The following ULK4 variants were observed in gnomAD, a reference collection of about 807,000 sequenced individuals.
The protein encoded by ULK4 is unc-51 like kinase 4.
A neutral mutation model predicts 160.6 loss-of-function variants in ULK4; 133 were observed. The observed-to-expected ratio is 0.83, with a 90% CI of 0.72 to 0.96. ULK4 has a LOEUF of 0.96. ULK4 is among the 40% of genes least tolerant of loss of function. The pLI is 0.00. For missense variants in ULK4, 1,580 were observed against 1,499.5 expected, an observed-to-expected ratio of 1.05 and a Z score of -0.89; for synonymous variants, 534 against 539.8, an observed-to-expected ratio of 0.99 and a Z score of 0.15.
intron 31 of ULK4, among the ~76,000 whole-genome samples, chr3:41,587,478 C>A (rs540962367): frequency 1.3e-5 from 2 of 152,132 alleles, no homozygotes; most frequent in African/African-American, 2.4e-5. Flanking sequence ...GACTGCCAGA[C>A]TGATAAAATG....
At chr3:41,948,173 A>C (rs1700169289) in intron 2 of ULK4, among the ~76,000 whole-genome samples, 1 of 152,092 alleles carries the variant, frequency 6.6e-6, no homozygotes, top group African/African-American at 2.4e-5. Flanking sequence ...TATTTAAGCC[A>C]GGCGCAGTGG....
intron 35 of ULK4, among the ~76,000 whole-genome samples, chr3:41,263,691 A>G (rs2078983884): frequency 6.6e-6 from 1 of 152,242 alleles, no homozygotes; most frequent in Non-Finnish European, 1.5e-5. Context: ...CCAGTGTCGT[A>G]AGAAAGTGCC....
intron 35 of ULK4, among the ~76,000 whole-genome samples, chr3:41,335,307 A>G (rs2080531741): frequency 6.6e-6 from 1 of 152,234 alleles, no homozygotes; most frequent in Non-Finnish European, 1.5e-5. Context: ...CTTGTAAAGA[A>G]TCACATTTCA....
chr3:41,765,814 T>C (rs1209124638), intron 21 of ULK4, among the ~76,000 whole-genome samples: 2 of 152,164 alleles, frequency 1.3e-5, no homozygotes, highest in Non-Finnish European at 2.9e-5. Context: ...ATCTTTATCA[T>C]AAATAACATT....
In ULK4 at chr3:41,463,077, G is replaced by A; in HGVS notation, c.3393+10C>T. ...GGGCTGCTCAAGACACAGGAAAACA[G>A]ATCCTCTACCTGCAAAGCCAGCCGT... On this transcript the variant is annotated intron_variant, in intron 33 of 36. Coordinates refer to ENST00000301831, the MANE Select transcript of ULK4 (RefSeq NM_017886.4). 1.2e-6 allele frequency: 2 copies of A among 1,611,862 alleles called. No homozygotes were observed.
intron 32 of ULK4, among the ~76,000 whole-genome samples, chr3:41,498,037 G>A (rs1014177159): frequency 4.6e-5 from 7 of 152,026 alleles, no homozygotes; most frequent in Non-Finnish European, 8.8e-5. Context: ...TCTGAATAGC[G>A]TTATCAAATA....
chr3:41,754,610 T>C (rs1202662157), intron 21 of ULK4, 122 bp from the exon 22 acceptor site: 2 of 806,822 alleles, frequency 2.5e-6, no homozygotes, highest in African/African-American at 3.5e-5. Flanking sequence ...TAACTACTGT[T>C]TTCGCATTCT....
rs145668617 is a variant in ULK4, at chr3:41,422,037, C to G, written c.3493-23773G>C. Among the ~76,000 whole-genome samples, 236 of 152,110 alleles carry G rather than the reference C, an allele frequency of 1.6e-3. 2 individuals carry two copies. The highest frequency in any genetic ancestry group is 7.0e-3 in the Admixed American group (107 of 15,296). ...TTTACCCTTTAAACTGGCAGCCCTC[C>G]TAACTGCTTGTGAAAGAAATCTTAG... On this transcript the variant is annotated intron_variant, in intron 34 of 36. Transcript: ENST00000301831.
chr3:41,392,463 T>C (rs1037320936), intron 35 of ULK4, among the ~76,000 whole-genome samples: 1 of 152,196 alleles, frequency 6.6e-6, no homozygotes, highest in Non-Finnish European at 1.5e-5. Flanking sequence ...GGGCCCTTTC[T>C]GTGATTCATA....
chr3:41,831,216 A>C (rs76996189), intron 18 of ULK4, among the ~76,000 whole-genome samples: 4,392 of 151,760 alleles, frequency 0.029, 207 homozygotes, highest in African/African-American at 0.1. Context: ...TTTTTAGACG[A>C]GGTTTCACCA....
chr3:41,374,722 G>A (rs2081443730), intron 35 of ULK4, among the ~76,000 whole-genome samples: 1 of 152,058 alleles, frequency 6.6e-6, no homozygotes, highest in African/African-American at 2.4e-5. Flanking sequence ...TTTGAAAACT[G>A]GCACAAGACA....
chr3:41,412,943 C>G (rs2082439008), intron 34 of ULK4, among the ~76,000 whole-genome samples: 1 of 152,130 alleles, frequency 6.6e-6, no homozygotes, highest in Non-Finnish European at 1.5e-5. Context: ...ACAAAATAAA[C>G]TGGAAAAGGA....
At chr3:41,319,237 G>A (rs1314104521) in intron 35 of ULK4, among the ~76,000 whole-genome samples, 1 of 152,094 alleles carries the variant, frequency 6.6e-6, no homozygotes, top group Non-Finnish European at 1.5e-5. Flanking sequence ...GGGGCACTAC[G>A]AACTAGTACA....
At chr3:41,383,517 C>G (rs571441225) in intron 35 of ULK4, among the ~76,000 whole-genome samples, 8 of 152,184 alleles carry the variant, frequency 5.3e-5, no homozygotes, top group South Asian at 2.1e-4. Flanking sequence ...CCAAAGGAAC[C>G]TGAAGCATTC....
At chr3:41,831,864 G>T (rs998683155) in intron 18 of ULK4, among the ~76,000 whole-genome samples, 1 of 152,016 alleles carries the variant, frequency 6.6e-6, no homozygotes, top group African/African-American at 2.4e-5. Flanking sequence ...CCATGGCCCT[G>T]CAAATGATAT....
chr3:41,875,999 A>C (rs1464377511), intron 17 of ULK4, among the ~76,000 whole-genome samples: 2 of 151,980 alleles, frequency 1.3e-5, no homozygotes, highest in Non-Finnish European at 2.9e-5. Context: ...CCTAAATCTA[A>C]TGAAGCGTCC....
rs193065031 is a variant in ULK4 at position 41,365,524 on chromosome 3, C to T, written c.3678+32555G>A. Among the ~76,000 whole-genome samples, 216 of 152,286 alleles carry T rather than the reference C, an allele frequency of 1.4e-3. 1 individual carries two copies. The highest frequency in any genetic ancestry group is 2.6e-3 in the Non-Finnish European group (176 of 68,024). ...GACAACAGCAATTAATAGTTTCAAG[C>T]ACTTATGCTCCAGGCACATGCTAAG... is the stretch of plus-strand genomic sequence containing the variant. On this transcript the variant is annotated intron_variant, in intron 35 of 36. Transcript: ENST00000301831.
chr3:41,671,077 T>A (rs1236838148), intron 29 of ULK4, among the ~76,000 whole-genome samples: 21 of 152,010 alleles, frequency 1.4e-4, no homozygotes, highest in Admixed American at 1.4e-3. Context: ...TTAAATTTTA[T>A]CTACAAAAGA....
intron 32 of ULK4, among the ~76,000 whole-genome samples, chr3:41,512,512 C>G (rs866230281): frequency 6.6e-6 from 1 of 152,110 alleles, no homozygotes; most frequent in African/African-American, 2.4e-5. Context: ...AGAACTCAAC[C>G]CTTTTTACAA....
Sources: allele counts gnomAD v4.1 joint callset (sites outside exome capture counted in the v4.1 genomes callset), GRCh38; gene constraint gnomAD v4.1.1; transcripts MANE v1.5; gene names NCBI Gene and HGNC (gene_info 2026-07-23, HGNC 2026-07-21).